SAMD5: variants seen among roughly 807,000 people sequenced by gnomAD.
SAMD5 encodes sterile alpha motif domain containing 5.
In SAMD5, 13 loss-of-function variants were observed where a neutral mutation model predicts 11.3. That is an observed-to-expected ratio of 1.15 (90% CI 0.75 to 1.83). The LOEUF is 1.83. Among genes scored for constraint, SAMD5 ranks in the 40% most tolerant of loss-of-function variants. The pLI is 0.00. For synonymous variants in SAMD5, 129 were observed against 111.3 expected (o/e 1.16, Z -1.00); for missense variants, 255 against 239.1 (o/e 1.07, Z -0.44).
chr6:147,934,769 T>C, the SAMD5 span, among the ~76,000 whole-genome samples: 1 of 152,154 alleles, frequency 6.6e-6, no homozygotes, highest in African/African-American at 2.4e-5. Context: ...TTAGCTAGTT[T>C]GAAGAAAACG....
In SAMD5 at chr6:147,693,755, G is replaced by A. The variant is rs113094340; in HGVS notation, c.163-43562G>A. On this transcript the variant is annotated intron_variant, in intron 1 of 1. Transcript: ENST00000566741. ...CCAAGGTAGGCGGGGGATCACCTGA[G>A]GTCAGGAGTTCAAGACCAGCCTGGC... is the stretch of plus-strand genomic sequence containing the variant. Among the ~76,000 whole-genome samples, 380 of 152,200 alleles carry A rather than the reference G, an allele frequency of 2.5e-3. 5 individuals are homozygous for A. Among genetic ancestry groups the A allele is most frequent in the Middle Eastern group, 0.01 (3 of 294 alleles).
the SAMD5 span, among the ~76,000 whole-genome samples, chr6:147,806,326 A>C: frequency 6.6e-6 from 1 of 152,188 alleles, no homozygotes; most frequent in East Asian, 1.9e-4. Flanking sequence ...GCGCACACAC[A>C]CACACACTCA....
the SAMD5 span, among the ~76,000 whole-genome samples, chr6:147,851,454 T>C: frequency 0.064 from 9,731 of 152,250 alleles, 1,029 homozygotes; most frequent in African/African-American, 0.22. Context: ...TACTGAATTC[T>C]GAATCTTAAA....
intron 1 of SAMD5, among the ~76,000 whole-genome samples, chr6:147,668,833 A>G (rs1790756886): frequency 6.6e-6 from 1 of 152,344 alleles, no homozygotes; most frequent in South Asian, 2.1e-4. Flanking sequence ...CTCAAATTAA[A>G]AAGAAACAAA....
intron 1 of SAMD5, among the ~76,000 whole-genome samples, chr6:147,562,837 A>G (rs1342557852): frequency 6.6e-6 from 1 of 151,562 alleles, no homozygotes; most frequent in Non-Finnish European, 1.5e-5. Flanking sequence ...AAAATAAATA[A>G]ATAAATAAAA....
the SAMD5 span, among the ~76,000 whole-genome samples, chr6:147,926,638 G>C: frequency 6.6e-6 from 1 of 151,980 alleles, no homozygotes; most frequent in African/African-American, 2.4e-5. Context: ...TGTTTATTCT[G>C]TTGATAGTTT....
chr6:147,657,196 T>A (rs1790583536), intron 1 of SAMD5, among the ~76,000 whole-genome samples: 1 of 151,834 alleles, frequency 6.6e-6, no homozygotes, highest in Admixed American at 6.6e-5. Flanking sequence ...CAAGGAAAAA[T>A]TAGAAAACAT....
chr6:147,544,644 G>C (rs1231000702), intron 1 of SAMD5, among the ~76,000 whole-genome samples: 2 of 152,158 alleles, frequency 1.3e-5, no homozygotes, highest in Non-Finnish European at 2.9e-5. Flanking sequence ...AGTCAGCTCT[G>C]ATGGGTGGAG....
At chr6:147,800,502 G>A in the SAMD5 span, among the ~76,000 whole-genome samples, 139 of 152,338 alleles carry the variant, frequency 9.1e-4, no homozygotes, top group South Asian at 1.7e-3. Context: ...TAAGTCTGCA[G>A]AGGTTACTGC....
At chr6:147,829,636 T>C in the SAMD5 span, among the ~76,000 whole-genome samples, 1 of 152,170 alleles carries the variant, frequency 6.6e-6, no homozygotes, top group Non-Finnish European at 1.5e-5. Flanking sequence ...TGGGTGTGCA[T>C]GCATGCACAT....
At chr6:147,883,264 TTAAAAA>T in the SAMD5 span, among the ~76,000 whole-genome samples, 1 of 152,208 alleles carries the variant, frequency 6.6e-6, no homozygotes, top group African/African-American at 2.4e-5. Flanking sequence ...TAAGTGCTAC[TTAAAAA>T]TAAAGTAAAA....
At chr6:147,606,236 G>A (rs552404177) in intron 1 of SAMD5, among the ~76,000 whole-genome samples, 64 of 152,284 alleles carry the variant, frequency 4.2e-4, no homozygotes, top group African/African-American at 1.3e-3. Flanking sequence ...GTGGGCACGC[G>A]TGGCTTTGGT....
the SAMD5 span, among the ~76,000 whole-genome samples, chr6:147,851,366 C>A: frequency 1.3e-5 from 2 of 152,146 alleles, no homozygotes; most frequent in African/African-American, 4.8e-5. Context: ...TTGGTACTGT[C>A]CTCAGTTTCA....
At position 147,569,399 on chromosome 6, in the gene SAMD5, T is replaced by C. The variant is rs1472923714; in HGVS notation, c.*4943T>C. ...AGAGGCTAAATTCCATGTTAAGAGC[T>C]AAGTAGTATTTTTTTCTTAACAATT... On this transcript the variant is annotated 3_prime_UTR_variant, in exon 2 of 2. Transcript: ENST00000367474. 2.1e-6 allele frequency: 2 copies of C among 958,782 alleles called. No homozygotes were observed. Among genetic ancestry groups the C allele is most frequent in the Non-Finnish European group, 2.5e-6 (2 of 805,696 alleles). The allele number at this position is 958,782 out of a possible 1,614,324, so 59.4% of individuals were successfully genotyped here.
At chr6:147,927,807 A>G in the SAMD5 span, among the ~76,000 whole-genome samples, 1 of 152,314 alleles carries the variant, frequency 6.6e-6, no homozygotes, top group East Asian at 1.9e-4. Flanking sequence ...TAGGTCTGTC[A>G]TAGATGACTG....
At chr6:147,659,060 TC>T (rs1486277901) in intron 1 of SAMD5, among the ~76,000 whole-genome samples, 2 of 152,328 alleles carry the variant, frequency 1.3e-5, no homozygotes, top group African/African-American at 4.8e-5. Flanking sequence ...AAGGCAAACT[TC>T]CTTACAGAAA....
At chr6:147,784,303 G>A in the SAMD5 span, among the ~76,000 whole-genome samples, 1 of 152,058 alleles carries the variant, frequency 6.6e-6, no homozygotes, top group Non-Finnish European at 1.5e-5. Flanking sequence ...CTAGTTAAAT[G>A]ACACACACAT....
chr6:147,607,078 C>T (rs1789714129), intron 1 of SAMD5, among the ~76,000 whole-genome samples: 1 of 151,986 alleles, frequency 6.6e-6, no homozygotes, highest in African/African-American at 2.4e-5. Flanking sequence ...TGCAACCATG[C>T]TGGACATTAT....
At chr6:147,700,066 A>G (rs1377675832) in intron 1 of SAMD5, among the ~76,000 whole-genome samples, 1 of 152,170 alleles carries the variant, frequency 6.6e-6, no homozygotes, top group African/African-American at 2.4e-5. Context: ...CAGATCTGAA[A>G]GAGAATTTAG....
Sources: gnomAD v4.1 joint callset for allele counts (sites outside exome capture counted in the v4.1 genomes callset) on GRCh38, gnomAD v4.1.1 for gene constraint, MANE v1.5 for transcripts, NCBI Gene and HGNC (gene_info 2026-07-23, HGNC 2026-07-21) for gene names.